Variants in ARFGEF3 observed in about 807,000 individuals in gnomAD.
The protein encoded by ARFGEF3 is ARFGEF family member 3.
A neutral mutation model predicts 221.7 loss-of-function variants in ARFGEF3; 96 were observed. The observed-to-expected ratio is 0.43, with a 90% confidence interval of 0.37 to 0.51. The LOEUF (loss-of-function observed/expected upper bound fraction) is 0.51. Among genes scored for constraint, ARFGEF3 ranks in the 20% least tolerant of loss-of-function variants. The probability of loss-of-function intolerance (pLI) is 0.00; values close to 1 mark genes in which losing one functional copy is unlikely to be tolerated. For synonymous variants in ARFGEF3, 1,145 were observed against 1,126.8 expected, an observed-to-expected ratio of 1.02 and a Z score of -0.32; for missense variants, 2,410 against 2,789.9, an observed-to-expected ratio of 0.86 and a Z score of 3.07.
intron 18 of ARFGEF3, 62 bp downstream of exon 18, chr6:138,290,030 C>A: frequency 6.5e-7 from 1 of 1,534,460 alleles, no homozygotes. Flanking sequence ...CTGGAGTGGG[C>A]TGTGGCAGGT....
chr6:138,273,930 C>T (rs1009527759), intron 12 of ARFGEF3, among the ~76,000 whole-genome samples: 10 of 152,280 alleles, frequency 6.6e-5, no homozygotes, highest in Non-Finnish European at 1.5e-4. Context: ...TTTGCCAGCT[C>T]TTTGTAATTT....
At chr6:138,254,490 G>A (rs1310038291) in intron 9 of ARFGEF3, among the ~76,000 whole-genome samples, 4 of 151,794 alleles carry the variant, frequency 2.6e-5, no homozygotes, top group Non-Finnish European at 5.9e-5. Flanking sequence ...CCTGCACTTT[G>A]GGAGACCTAG....
At chr6:138,165,944 A>C (rs916129811) in intron 1 of ARFGEF3, among the ~76,000 whole-genome samples, 1 of 152,370 alleles carries the variant, frequency 6.6e-6, no homozygotes, top group African/African-American at 2.4e-5. Context: ...TCCTTGAACC[A>C]GTCCTCTAGT....
chr6:138,220,039 G>T (rs75474836), intron 4 of ARFGEF3, among the ~76,000 whole-genome samples: 2,180 of 151,386 alleles, frequency 0.014, 59 homozygotes, highest in African/African-American at 0.049. Context: ...TTTCTGCAGG[G>T]TTTCACTGTC....
chr6:138,185,345 A>G (rs1407827708), intron 2 of ARFGEF3, among the ~76,000 whole-genome samples: 1 of 152,100 alleles, frequency 6.6e-6, no homozygotes, highest in East Asian at 1.9e-4. Flanking sequence ...ACCTGGAGCT[A>G]ATCTGCCTCC....
intron 4 of ARFGEF3, among the ~76,000 whole-genome samples, chr6:138,212,732 T>C (rs1777755389): frequency 6.6e-6 from 1 of 152,152 alleles, no homozygotes; most frequent in Non-Finnish European, 1.5e-5. Flanking sequence ...TGCAGGGACA[T>C]GGATGAAGCT....
intron 9 of ARFGEF3, 118 bp from the exon 10 acceptor site, chr6:138,255,318 A>G: frequency 1.5e-6 from 1 of 677,660 alleles, no homozygotes; most frequent in Non-Finnish European, 2.4e-6. Flanking sequence ...AATGTAGCCA[A>G]AAGAAGAAGA....
chr6:138,323,924 A>G (rs1287381974), intron 30 of ARFGEF3, 99 bp from the exon 31 acceptor site: 19 of 1,560,262 alleles, frequency 1.2e-5, no homozygotes, highest in Non-Finnish European at 9.6e-6. Flanking sequence ...TTGCTGGGTC[A>G]GTACTTTTGT....
rs1780320968 is a variant in ARFGEF3 at position 138,336,298 on chromosome 6, T to C, written c.6346T>C (p.Trp2116Arg). The change falls in exon 34 of 34, where the codon TGG becomes CGG. Residue 2116 changes from tryptophan to arginine, a missense_variant. Transcript: ENST00000251691. ...TTTCTTAAATCTTTTCTCTTAGGCA[T>C]GGACCAACATGGTGCTAACAGTTCT... Reference protein sequence around the residue: ...VRDAEAQIQAWTNMVLTVLNQ... With the variant: ...VRDAEAQIQARTNMVLTVLNQ... 1 of 1,541,494 alleles carries C rather than the reference T, an allele frequency of 6.5e-7. No homozygotes were observed. Among genetic ancestry groups the C allele is most frequent in the Non-Finnish European group, 8.8e-7 (1 of 1,140,926 alleles).
intron 1 of ARFGEF3, among the ~76,000 whole-genome samples, chr6:138,163,408 A>G (rs1231960702): frequency 6.6e-6 from 1 of 152,212 alleles, no homozygotes; most frequent in Non-Finnish European, 1.5e-5. Context: ...AAGCCACAGT[A>G]CTATTTTTGC....
At chr6:138,212,497 A>T (rs538726561) in intron 4 of ARFGEF3, among the ~76,000 whole-genome samples, 2 of 152,360 alleles carry the variant, frequency 1.3e-5, no homozygotes, top group South Asian at 4.1e-4. Context: ...ATACCATTTG[A>T]CCCAGCTATC....
At chr6:138,172,062 A>T (rs931098460) in intron 2 of ARFGEF3, among the ~76,000 whole-genome samples, 2 of 152,250 alleles carry the variant, frequency 1.3e-5, no homozygotes, top group African/African-American at 4.8e-5. Flanking sequence ...TAAAAAATTC[A>T]TTACTTTTCC....
intron 20 of ARFGEF3, among the ~76,000 whole-genome samples, chr6:138,294,346 T>C (rs1246853720): frequency 6.6e-6 from 1 of 152,210 alleles, no homozygotes; most frequent in Non-Finnish European, 1.5e-5. Flanking sequence ...ACCACATCTA[T>C]AAGAACTCCC....
At position 138,293,977 on chromosome 6, in the gene ARFGEF3, TTC is replaced by T; in HGVS notation, c.3369-14_3369-13del. ...AATTGTTTCCAAAGAACACATCTCT[TTC>T]TGTTTGCATCCAGGCTCTTTGAAGA... On this transcript the variant is annotated splice_polypyrimidine_tract_variant and intron_variant, in intron 19 of 33. Coordinates refer to ENST00000251691, the MANE Select transcript of ARFGEF3 (RefSeq NM_020340.5). 6.2e-7 allele frequency: 1 copy of T among 1,610,546 alleles called. No homozygotes were observed. The highest frequency in any genetic ancestry group is 8.5e-7 in the Non-Finnish European group (1 of 1,178,914).
intron 7 of ARFGEF3, 99 bp from the exon 8 acceptor site, chr6:138,245,414 C>T: frequency 1.2e-6 from 1 of 812,546 alleles, no homozygotes; most frequent in South Asian, 1.5e-5. Flanking sequence ...TCTTTTCAGT[C>T]TCAAAAACCA....
At chr6:138,164,436 A>G (rs1218715490) in intron 1 of ARFGEF3, among the ~76,000 whole-genome samples, 2 of 152,130 alleles carry the variant, frequency 1.3e-5, no homozygotes, top group Admixed American at 1.3e-4. Flanking sequence ...CAGACTTGGC[A>G]AGGTCCATCT....
chr6:138,180,605 G>T (rs1171912123), intron 2 of ARFGEF3, among the ~76,000 whole-genome samples: 1 of 152,126 alleles, frequency 6.6e-6, no homozygotes, highest in Admixed American at 6.5e-5. Context: ...AAAAAGGCGG[G>T]CAGGTTGGGG....
chr6:138,286,932 G>A lies in ARFGEF3; in HGVS notation c.2785+16G>A. 6.2e-7 allele frequency: 1 copy of A among 1,611,480 alleles called. No homozygotes were observed. The highest frequency in any genetic ancestry group is 8.5e-7 in the Non-Finnish European group (1 of 1,179,094). Reference sequence around the variant, plus strand: ...TGCGCTCTAGGTACCAGCGGGAGTAGTGTTCCCTGGCCGTGGTCCTGCAGA... The same window carrying A: ...TGCGCTCTAGGTACCAGCGGGAGTAATGTTCCCTGGCCGTGGTCCTGCAGA... On this transcript the variant is annotated intron_variant, in intron 16 of 33. Coordinates refer to ENST00000251691, the MANE Select transcript of ARFGEF3 (RefSeq NM_020340.5).
chr6:138,311,556 G>A (rs775364808), intron 25 of ARFGEF3, 46 bp downstream of exon 25: 24 of 1,347,446 alleles, frequency 1.8e-5, no homozygotes, highest in East Asian at 2.5e-5. Flanking sequence ...AACCTGCCTC[G>A]GAACATGCTG....
Sources: allele counts gnomAD v4.1 joint callset (sites outside exome capture counted in the v4.1 genomes callset), GRCh38; gene constraint gnomAD v4.1.1; transcripts MANE v1.5; gene names NCBI Gene and HGNC (gene_info 2026-07-23, HGNC 2026-07-21).